The following HIPK1 variants were observed in gnomAD, a reference collection of about 807,000 sequenced individuals.
HIPK1 encodes homeodomain-interacting protein kinase 1.
HIPK1 carries 28 observed loss-of-function variants against 117.1 expected under a neutral mutation model. That is an observed-to-expected ratio of 0.24 (90% CI 0.18 to 0.33). The LOEUF is 0.33. Among genes scored for constraint, HIPK1 ranks in the 10% least tolerant of loss-of-function variants. The pLI, the probability that HIPK1 is intolerant of heterozygous loss-of-function variation, is 1.00. For synonymous variants in HIPK1, 605 were observed against 562.5 expected, an observed-to-expected ratio of 1.08 and a Z score of -1.07; for missense variants, 1,122 against 1,475.1, an observed-to-expected ratio of 0.76 and a Z score of 3.92.
intron 1 of HIPK1, among the ~76,000 whole-genome samples, chr1:113,938,939 CACACACACA>C (rs1670450183): frequency 1.3e-5 from 1 of 78,706 alleles, no homozygotes; most frequent in Non-Finnish European, 2.8e-5. Context: ...TACACACACA[CACACACACA>C]CACACACACA....
chr1:113,969,597 T>A (rs1026939765), intron 13 of HIPK1, among the ~76,000 whole-genome samples: 3 of 152,134 alleles, frequency 2.0e-5, no homozygotes, highest in Non-Finnish European at 2.9e-5. Flanking sequence ...AGACAGATCA[T>A]CTAAGAAACA....
intron 2 of HIPK1, among the ~76,000 whole-genome samples, chr1:113,944,642 G>A (rs1670872564): frequency 6.6e-6 from 1 of 151,514 alleles, no homozygotes; most frequent in South Asian, 2.1e-4. Context: ...ACCATGCCCA[G>A]CTAATTTTTG....
At chr1:113,971,615 T>C (rs1672828232) in intron 14 of HIPK1, among the ~76,000 whole-genome samples, 1 of 152,212 alleles carries the variant, frequency 6.6e-6, no homozygotes, top group Admixed American at 6.5e-5. Flanking sequence ...ATAATATTTA[T>C]TTAAGTGAAC....
intron 1 of HIPK1, among the ~76,000 whole-genome samples, chr1:113,938,729 GA>G (rs1419823291): frequency 6.6e-6 from 1 of 151,884 alleles, no homozygotes; most frequent in African/African-American, 2.4e-5. Context: ...GCAACATGGT[GA>G]AAACCCATCT....
chr1:113,952,726 GTTTTTT>G, intron 2 of HIPK1, 34 bp from the exon 3 acceptor site: 1 of 1,007,182 alleles, frequency 9.9e-7, no homozygotes, highest in Non-Finnish European at 1.3e-6. Context: ...CCCAAATAAT[GTTTTTT>G]TTTTTTTAAT....
In HIPK1 at chr1:113,973,386, C is replaced by T. The variant is rs1281281059; in HGVS notation, c.3507C>T (p.Ser1169=). 5 of 1,614,058 alleles carry T rather than the reference C, an allele frequency of 3.1e-6. No homozygotes were observed. Among genetic ancestry groups the T allele is most frequent in the Admixed American group, 3.3e-5 (2 of 59,998 alleles). The part of the protein sequence containing the change: ...SVGPSLLTSA[S]VAPAQYQHQF... ...GGCCCAGCCTCCTCACTTCTGCCAG[C>T]GTGGCCCCTGCTCAGTACCAACACC... The change falls in exon 16 of 16, where the codon AGC becomes AGT. Residue 1169 remains serine (S), a synonymous_variant. Transcript: ENST00000426820.
rs939437355 is a variant in HIPK1 at position 113,941,929 on chromosome 1, T to G, written c.1076+470T>G. ...CACCCGCCATCACGCCCGGCTAATT[T>G]TTTTTGTATTTTTAGTAGAGACGGG... On this transcript the variant is annotated intron_variant, in intron 2 of 15. Transcript: ENST00000426820. The surrounding 1 kb of genome is among the most constrained non-coding windows in gnomAD (Gnocchi z 4.9). Among the ~76,000 whole-genome samples the G allele has an allele frequency of 1.5e-4, 22 of 151,720 alleles. No homozygotes were observed. The highest frequency in any genetic ancestry group is 2.6e-4 in the Non-Finnish European group (18 of 67,940).
At chr1:113,947,712 A>G (rs1671077425) in intron 2 of HIPK1, among the ~76,000 whole-genome samples, 3 of 152,178 alleles carry the variant, frequency 2.0e-5, no homozygotes, top group Admixed American at 2.0e-4. Flanking sequence ...AAAGGCAGGG[A>G]TTGTTGTTTC....
intron 8 of HIPK1, among the ~76,000 whole-genome samples, chr1:113,959,533 C>T (rs1411829635): frequency 2.0e-5 from 3 of 152,106 alleles, no homozygotes; most frequent in Non-Finnish European, 4.4e-5. Flanking sequence ...CCACTTTTTC[C>T]GAAGAGTTTC....
chr1:113,952,299 A>T (rs1054569382), intron 2 of HIPK1, among the ~76,000 whole-genome samples: 5 of 151,742 alleles, frequency 3.3e-5, no homozygotes, highest in Admixed American at 6.6e-5. Context: ...GAATAATAAT[A>T]AAAAAAATCT....
chr1:113,939,068 A>G (rs898751979), intron 1 of HIPK1, among the ~76,000 whole-genome samples: 3 of 152,132 alleles, frequency 2.0e-5, no homozygotes, highest in African/African-American at 4.8e-5. Flanking sequence ...ATCATTTTAC[A>G]TGTATTAAAT....
In HIPK1 at chr1:113,940,725, G is replaced by C. The variant is rs1218114569; in HGVS notation, c.342G>C (p.Leu114Phe). Residue 114 changes from leucine to phenylalanine, a missense_variant, in exon 2 of 16, where the codon TTG becomes TTC. Physicochemically the swap from Leu to Phe is conservative, Grantham distance 22. Around this residue, in one of 6 missense-constraint regions of HIPK1, gnomAD observed 192 missense variants for 234.0 expected, o/e 0.82. Coordinates refer to ENST00000426820, the MANE Select transcript of HIPK1 (RefSeq NM_198268.3). ...TGACTCACAGAAGCAACGTTTCTTTGCTTGAGCCATATCAAAAATGTGGAT... is the reference window on the plus strand; with the variant it reads ...TGACTCACAGAAGCAACGTTTCTTTCCTTGAGCCATATCAAAAATGTGGAT... ...QTLTHRSNVS[L>F]LEPYQKCGLK... 1.2e-6 allele frequency: 2 copies of C among 1,614,134 alleles called. No individual in the cohort carries two copies. The highest frequency in any genetic ancestry group is 1.7e-6 in the Non-Finnish European group (2 of 1,180,038).
chr1:113,952,728 T>C, intron 2 of HIPK1, 38 bp from the exon 3 acceptor site: 1 of 1,309,984 alleles, frequency 7.6e-7, no homozygotes, highest in South Asian at 1.9e-5. Context: ...CAAATAATGT[T>C]TTTTTTTTTT....
At chr1:113,937,174 T>G (rs1311646411) in intron 1 of HIPK1, among the ~76,000 whole-genome samples, 2 of 152,206 alleles carry the variant, frequency 1.3e-5, no homozygotes, top group Non-Finnish European at 2.9e-5. Flanking sequence ...CTTCAAAGTT[T>G]ATATAAATTA....
chr1:113,957,511 G>T (rs1045631708), intron 7 of HIPK1, among the ~76,000 whole-genome samples: 1 of 152,162 alleles, frequency 6.6e-6, no homozygotes, highest in Non-Finnish European at 1.5e-5. Flanking sequence ...CATATGTTCA[G>T]CATCGTCAAA....
At chr1:113,968,324 T>G (rs996485051) in intron 12 of HIPK1, 118 bp from the exon 13 acceptor site, 3 of 765,842 alleles carry the variant, frequency 3.9e-6, no homozygotes, top group Non-Finnish European at 2.3e-6. Flanking sequence ...TAAATGTATT[T>G]GCTTAATGAT....
chr1:113,972,135 T>C, intron 15 of HIPK1, 181 bp downstream of exon 15: 3 of 1,523,074 alleles, frequency 2.0e-6, no homozygotes, highest in Admixed American at 2.2e-5. Flanking sequence ...ACTCTGTAAG[T>C]GTGTTCAGGA....
rs746687239 is a variant in HIPK1, at chr1:113,940,460, T to C, written c.77T>C (p.Ile26Thr). 57 of 1,614,084 alleles carry C rather than the reference T, an allele frequency of 3.5e-5. No individual in the cohort carries two copies. Among genetic ancestry groups the C allele is most frequent in the Non-Finnish European group, 4.7e-5 (56 of 1,180,010 alleles). ...SAFCSAKKLK[I>T]EPSGWDVSGQ... ...TTCTGCAGTGCGAAGAAACTGAAAA[T>C]AGAGCCCTCTGGCTGGGATGTTTCA... The change falls in exon 2 of 16, where the codon ATA becomes ACA. Residue 26 changes from isoleucine (I) to threonine (T), a missense_variant. Transcript: ENST00000426820.
rs1673203047 is a variant in HIPK1, at chr1:113,977,575, A to G, written c.*4063A>G. On this transcript the variant is annotated 3_prime_UTR_variant, in exon 16 of 16. Transcript: ENST00000426820. ...TTACTGAGCTATGTTTGTAATGCAGATGTACTTAGGGAGTATGTAAAATAA... is the reference window on the plus strand; with the variant it reads ...TTACTGAGCTATGTTTGTAATGCAGGTGTACTTAGGGAGTATGTAAAATAA... 6.5e-6 allele frequency: 1 copy of G among 152,780 alleles called. No individual in the cohort carries two copies. The highest frequency in any genetic ancestry group is 2.4e-5 in the African/African-American group (1 of 41,456). 9.5% of individuals were successfully genotyped at this position (152,780 alleles called of 1,614,324 possible). A position where few individuals can be genotyped will look rare whatever the true frequency, so the allele number is the denominator to read the frequency against.
Sources: gnomAD v4.1 joint callset for allele counts (sites outside exome capture counted in the v4.1 genomes callset) on GRCh38, gnomAD v4.1.1 for gene constraint, gnomAD v4.1.1 regional missense constraint, Gnocchi (gnomAD v3.1) non-coding constraint, MANE v1.5 for transcripts, NCBI Gene and HGNC (gene_info 2026-07-23, HGNC 2026-07-21) for gene names.